Variants in MEIS1 observed in about 807,000 individuals in gnomAD.
The protein encoded by MEIS1 is Meis homeobox 1.
In MEIS1, 5 loss-of-function variants were observed where a neutral mutation model predicts 50.8. The observed-to-expected ratio is 0.10, with a 90% CI of 0.05 to 0.21. The LOEUF (loss-of-function observed/expected upper bound fraction) is 0.21. Ranked by LOEUF, MEIS1 falls within the 10% of genes least tolerant of loss-of-function variation. The probability of loss-of-function intolerance (pLI) is 1.00; values close to 1 mark genes in which losing one functional copy is unlikely to be tolerated. For synonymous variants in MEIS1, 176 were observed against 179.3 expected (o/e 0.98, Z 0.15); for missense variants, 318 against 517.3 (o/e 0.61, Z 3.74).
At chr2:66,478,253 A>G (rs1672938852) in intron 7 of MEIS1, among the ~76,000 whole-genome samples, 1 of 152,048 alleles carries the variant, frequency 6.6e-6, no homozygotes, top group African/African-American at 2.4e-5. Flanking sequence ...TGGAATCTTA[A>G]TACAAGTTAC....
chr2:66,473,397 A>AAAAAATATATATATATATATATAT, intron 7 of MEIS1, among the ~76,000 whole-genome samples: 5 of 107,582 alleles, frequency 4.6e-5, no homozygotes, highest in African/African-American at 2.9e-4. Flanking sequence ...AAAAAAAAAA[A>AAAAAATATATATATATATATATAT]ATATATATAT....
chr2:66,453,445 T>C (rs1176490007), intron 6 of MEIS1, among the ~76,000 whole-genome samples: 2 of 151,964 alleles, frequency 1.3e-5, no homozygotes, highest in Non-Finnish European at 2.9e-5. Flanking sequence ...GTTAAGTATC[T>C]TGAAATATAG....
At chr2:66,560,100 C>CTTTTTTTTTTTTTTTTT (rs70947304) in intron 9 of MEIS1, among the ~76,000 whole-genome samples, 1 of 124,942 alleles carries the variant, frequency 8.0e-6, no homozygotes, top group African/African-American at 3.1e-5. Context: ...CCTGCCATCA[C>CTTTTTTTTTTTTTTTTT]TTTTTTTTTT....
At chr2:66,443,327 C>CT (rs1672046450) in intron 6 of MEIS1, 2 of 377,284 alleles carry the variant, frequency 5.3e-6, no homozygotes, top group Non-Finnish European at 9.3e-6. Context: ...TATTTACCCT[C>CT]TATAATAATG....
At chr2:66,495,012 T>C (rs1487157358) in intron 7 of MEIS1, among the ~76,000 whole-genome samples, 1 of 150,444 alleles carries the variant, frequency 6.6e-6, no homozygotes, top group Non-Finnish European at 1.5e-5. Flanking sequence ...TCAGAAGACA[T>C]GGAACAATCA....
chr2:66,568,340 A>T, intron 10 of MEIS1: 1 of 240,290 alleles, frequency 4.2e-6, no homozygotes, highest in Non-Finnish European at 8.2e-6. Flanking sequence ...ACTATGGAAA[A>T]CTATGTTAGC....
chr2:66,468,855 G>A (rs763779422), intron 7 of MEIS1, among the ~76,000 whole-genome samples: 2 of 152,158 alleles, frequency 1.3e-5, no homozygotes, highest in African/African-American at 4.8e-5. Flanking sequence ...TAAGTAGAAT[G>A]ATGAATGAAG....
chr2:66,571,066 G>A (rs1675474967), intron 12 of MEIS1, 180 bp from the exon 13 acceptor site: 16 of 641,330 alleles, frequency 2.5e-5, no homozygotes, highest in Non-Finnish European at 3.5e-5. Context: ...CAAAATGTGA[G>A]TTTCCAGCAT....
chr2:66,534,680 T>C (rs1326441761), intron 8 of MEIS1, among the ~76,000 whole-genome samples: 7 of 152,214 alleles, frequency 4.6e-5, no homozygotes, highest in Non-Finnish European at 7.3e-5. Context: ...TAAGTTTTCT[T>C]AAGAACTCAT....
intron 7 of MEIS1, among the ~76,000 whole-genome samples, chr2:66,509,461 A>G: frequency 6.6e-6 from 1 of 152,222 alleles, no homozygotes; most frequent in East Asian, 1.9e-4. Context: ...GTATTTGCCT[A>G]AAAACAGTAG....
intron 9 of MEIS1, among the ~76,000 whole-genome samples, chr2:66,550,117 A>G (rs1024291362): frequency 6.6e-6 from 1 of 152,170 alleles, no homozygotes; most frequent in Non-Finnish European, 1.5e-5. Context: ...ACTTTACCCT[A>G]AACTTCACAC....
In MEIS1 at chr2:66,477,847, A is replaced by G. The variant is rs575499244; in HGVS notation, c.742+13627A>G. 7.9e-5 allele frequency among the ~76,000 whole-genome samples: 12 copies of G among 152,094 alleles called. No homozygotes were observed. The East Asian group carries it at 1.2e-3, about 15-fold the overall frequency. ...TTCTCAGCTGCTAATTTTTCTTTCT[A>G]TGTAGAGTCTTCAGATTACCTGCCC... On this transcript the variant is annotated intron_variant, in intron 7 of 12. Transcript: ENST00000272369.
chr2:66,548,620 T>A (rs1363603177), intron 9 of MEIS1, among the ~76,000 whole-genome samples: 1 of 152,184 alleles, frequency 6.6e-6, no homozygotes, highest in Non-Finnish European at 1.5e-5. Flanking sequence ...ATGTACCAAG[T>A]ACCAGCCAAC....
At chr2:66,464,485 A>G (rs1672590183) in intron 7 of MEIS1, among the ~76,000 whole-genome samples, 1 of 152,208 alleles carries the variant, frequency 6.6e-6, no homozygotes, top group Admixed American at 6.5e-5. Flanking sequence ...AGAAGTTTGA[A>G]TGTGAATAAA....
At chr2:66,446,795 CTGT>C (rs1672162241) in intron 6 of MEIS1, among the ~76,000 whole-genome samples, 7 of 152,310 alleles carry the variant, frequency 4.6e-5, no homozygotes, top group Admixed American at 4.6e-4. Context: ...GCCGCCGGGG[CTGT>C]GCAGCCCAGA....
intron 6 of MEIS1, among the ~76,000 whole-genome samples, chr2:66,449,705 A>G (rs546791538): frequency 2.0e-5 from 3 of 152,294 alleles, no homozygotes; most frequent in South Asian, 2.1e-4. Flanking sequence ...GATCAATGTA[A>G]TGCATTCAAG....
chr2:66,457,196 T>G lies in MEIS1; in HGVS notation c.631-6913T>G, dbSNP rs143905607. ...TTTTTTTTTAGAAATCCACATAACTTTTTTTCCAGAATTACCTGAATTTGA... is the reference window on the plus strand; with the variant it reads ...TTTTTTTTTAGAAATCCACATAACTGTTTTTCCAGAATTACCTGAATTTGA... On this transcript the variant is annotated intron_variant, in intron 6 of 12. Coordinates refer to ENST00000272369, the MANE Select transcript of MEIS1 (RefSeq NM_002398.3). 2.0e-3 allele frequency among the ~76,000 whole-genome samples: 300 copies of G among 151,886 alleles called. 3 individuals carry two copies. The highest frequency in any genetic ancestry group is 6.8e-3 in the African/African-American group (280 of 41,458).
At chr2:66,468,151 G>A (rs984443389) in intron 7 of MEIS1, among the ~76,000 whole-genome samples, 3 of 152,158 alleles carry the variant, frequency 2.0e-5, no homozygotes, top group Admixed American at 2.0e-4. Context: ...TGTCTCATAG[G>A]TACGGGAGGT....
At chr2:66,491,902 ATTCTT>A (rs1163115304) in intron 7 of MEIS1, among the ~76,000 whole-genome samples, 2 of 152,060 alleles carry the variant, frequency 1.3e-5, no homozygotes, top group African/African-American at 2.4e-5. Flanking sequence ...CGTCCAAATG[ATTCTT>A]TTCAAAGGGA....
Sources: allele counts gnomAD v4.1 joint callset (sites outside exome capture counted in the v4.1 genomes callset), GRCh38; gene constraint gnomAD v4.1.1; transcripts MANE v1.5; gene names NCBI Gene and HGNC (gene_info 2026-07-23, HGNC 2026-07-21).